LRRC61: variants seen among roughly 807,000 people sequenced by gnomAD.
The protein encoded by LRRC61 is leucine rich repeat containing 61, also known as leucine-rich repeat-containing protein 61.
LRRC61 carries 9 observed loss-of-function variants against 15.1 expected under a neutral mutation model. The ratio of observed to expected loss-of-function variants is 0.60; its 90% CI spans 0.36 to 1.04. The LOEUF (loss-of-function observed/expected upper bound fraction) is 1.04, where lower values mean the gene tolerates loss of function less well. LRRC61 is among the 50% of genes least tolerant of loss of function. The pLI, the probability that LRRC61 is intolerant of heterozygous loss-of-function variation, is 0.01. For missense variants in LRRC61, 344 were observed against 335.6 expected (o/e 1.03, Z -0.20); for synonymous variants, 173 against 158.6 (o/e 1.09, Z -0.68).
Position 150,337,935 on chromosome 7 carries a change from C to G in LRRC61, c.*294C>G, listed in dbSNP as rs572049265. On this transcript the variant is annotated 3_prime_UTR_variant, in exon 3 of 3. Transcript: ENST00000359623. The stretch of plus-strand genomic sequence containing the variant: ...AACTTAGTGGAAGGAATTACTTCCT[C>G]CTGAGGCTACAGGCGAGAAAGGTAG... The G allele has an allele frequency of 2.4e-3, 1,219 of 498,200 alleles. 11 individuals are homozygous for G. Among genetic ancestry groups the G allele is most frequent in the Non-Finnish European group, 1.6e-3 (434 of 271,606 alleles). 30.9% of individuals were successfully genotyped at this position (498,200 alleles called of 1,614,324 possible).
Position 150,336,736 on chromosome 7 carries a change from C to T in LRRC61, c.-126C>T, listed in dbSNP as rs1585050111. 3.1e-6 allele frequency: 4 copies of T among 1,311,464 alleles called. No homozygotes were observed. In the African/African-American group the frequency reaches 5.9e-5, roughly 19 times the overall value. 81.2% of individuals were successfully genotyped at this position (1,311,464 alleles called of 1,614,324 possible). On this transcript the variant is annotated 5_prime_UTR_variant, in exon 3 of 3. Coordinates refer to ENST00000359623, the MANE Select transcript of LRRC61 (RefSeq NM_001142928.2). The stretch of plus-strand genomic sequence containing the variant: ...TCCTCAGGGACTGGCTGGCTTCGAG[C>T]AGGGCATCGGAACCAGGCCTCCTGG...
upstream of LRRC61, among the ~76,000 whole-genome samples, chr7:150,320,117 G>A (rs1254386470): frequency 1.3e-5 from 2 of 152,130 alleles, no homozygotes; most frequent in Non-Finnish European, 2.9e-5. Context: ...CCATGTAACA[G>A]TACTCTTACC....
At chr7:150,323,670 A>T (rs1797811656) in intron 1 of LRRC61, 110 bp downstream of exon 1, 2 of 456,076 alleles carry the variant, frequency 4.4e-6, no homozygotes. Flanking sequence ...GCCGAAACAC[A>T]CTGGGAGAGG....
the LRRC61 span, among the ~76,000 whole-genome samples, chr7:150,316,480 GTTATT>G: frequency 8.0e-4 from 106 of 131,710 alleles, no homozygotes; most frequent in South Asian, 2.1e-3. Flanking sequence ...TTAGAATCTG[GTTATT>G]TTTTTTTTTT....
chr7:150,334,979 G>A (rs540165520), intron 2 of LRRC61, among the ~76,000 whole-genome samples: 105 of 149,064 alleles, frequency 7.0e-4, no homozygotes, highest in Non-Finnish European at 1.2e-3. Context: ...CCGAGATCGC[G>A]CCATTGTGCC....
intron 1 of LRRC61, among the ~76,000 whole-genome samples, chr7:150,324,006 T>C (rs1797833689): frequency 1.3e-5 from 2 of 152,246 alleles, no homozygotes; most frequent in Non-Finnish European, 2.9e-5. Context: ...TAATGATGCA[T>C]GATTATTATT....
chr7:150,327,853 TA>T (rs1207395425), intron 2 of LRRC61, among the ~76,000 whole-genome samples: 3 of 151,260 alleles, frequency 2.0e-5, no homozygotes, highest in African/African-American at 7.3e-5. Flanking sequence ...TGCACTTGCG[TA>T]AAAGTTCCTA....
At position 150,333,215 on chromosome 7, in the gene LRRC61, G is replaced by A. The variant is rs1454064455; in HGVS notation, c.-144-3503G>A. On this transcript the variant is annotated intron_variant, in intron 2 of 2. Coordinates refer to ENST00000359623, the MANE Select transcript of LRRC61 (RefSeq NM_001142928.2). The surrounding 1 kb of genome is among the most constrained non-coding windows in gnomAD (Gnocchi z 4.3). ...AGGATGAAAGGAAGAGGGTGAGAGA[G>A]CTTGATGGCACCGAACCAGGGGGCT... is the stretch of plus-strand genomic sequence containing the variant. Among the ~76,000 whole-genome samples, 2 of 152,202 alleles carry A rather than the reference G, an allele frequency of 1.3e-5. No individual in the cohort carries two copies. Among genetic ancestry groups the A allele is most frequent in the African/African-American group, 2.4e-5 (1 of 41,452 alleles).
chr7:150,321,940 C>G (rs71537956), upstream of LRRC61, among the ~76,000 whole-genome samples: 27 of 152,262 alleles, frequency 1.8e-4, no homozygotes, highest in African/African-American at 5.3e-4. Context: ...AGCCTGCCCC[C>G]GGGCCAGCCC....
chr7:150,335,064 C>T lies in LRRC61; in HGVS notation c.-144-1654C>T, dbSNP rs1162920337. Among the ~76,000 whole-genome samples the T allele has an allele frequency of 1.3e-5, 2 of 151,856 alleles. No individual in the cohort carries two copies. The highest frequency in any genetic ancestry group is 2.9e-5 in the Non-Finnish European group (2 of 67,964). ...AAAAAAAAAAGAAAAAAAGGAGCCCCTGGCATACAGTCACCCAGCAAGATT... is the reference window on the plus strand; with the variant it reads ...AAAAAAAAAAGAAAAAAAGGAGCCCTTGGCATACAGTCACCCAGCAAGATT... On this transcript the variant is annotated intron_variant, in intron 2 of 2. Transcript: ENST00000359623. This position sits in a 1 kb window ranked among gnomAD's most constrained non-coding sequence, Gnocchi z 4.3.
chr7:150,330,121 TG>T lies in LRRC61; in HGVS notation c.-145+4114del. On this transcript the variant is annotated intron_variant, in intron 2 of 2. Transcript: ENST00000359623. This position sits in a 1 kb window ranked among gnomAD's most constrained non-coding sequence, Gnocchi z 4.6. Reference sequence around the variant, plus strand: ...CACCCTCACAGTGTCCAGATCATCCTGGGCACTGCCAGGGCCACCTGCAGCC... The same window carrying T: ...CACCCTCACAGTGTCCAGATCATCCTGGCACTGCCAGGGCCACCTGCAGCC... 1 of 507,254 alleles carries T rather than the reference TG, an allele frequency of 2.0e-6. No homozygotes were observed. Among genetic ancestry groups the T allele is most frequent in the Non-Finnish European group, 3.5e-6 (1 of 283,936 alleles). 31.4% of individuals were successfully genotyped at this position (507,254 alleles called of 1,614,324 possible). A position where few individuals can be genotyped will look rare whatever the true frequency, so the allele number is the denominator to read the frequency against.
Position 150,330,565 on chromosome 7 carries a change from G to A in LRRC61, c.-145+4555G>A, listed in dbSNP as rs371078860. 9.0e-6 allele frequency: 7 copies of A among 782,008 alleles called. No homozygotes were observed. Among genetic ancestry groups the A allele is most frequent in the Non-Finnish European group, 1.7e-5 (7 of 420,538 alleles). The allele number at this position is 782,008 out of a possible 1,614,324, so 48.4% of individuals were successfully genotyped here. A position where few individuals can be genotyped will look rare whatever the true frequency, so the allele number is the denominator to read the frequency against. ...ATCCAGCTGGCTGAGGGGTTGGCCC[G>A]GCAGCTCTGCACCGACTGTCAGCTC... On this transcript the variant is annotated intron_variant, in intron 2 of 2. Coordinates refer to ENST00000359623, the MANE Select transcript of LRRC61 (RefSeq NM_001142928.2). The surrounding 1 kb of genome is among the most constrained non-coding windows in gnomAD (Gnocchi z 4.6).
upstream of LRRC61, among the ~76,000 whole-genome samples, chr7:150,320,240 A>G (rs1166564775): frequency 6.6e-6 from 1 of 152,260 alleles, no homozygotes; most frequent in African/African-American, 2.4e-5. Flanking sequence ...TTAGAAACTA[A>G]TCTATTAGAG....
At chr7:150,314,375 C>T in the LRRC61 span, among the ~76,000 whole-genome samples, 1 of 152,090 alleles carries the variant, frequency 6.6e-6, no homozygotes, top group Non-Finnish European at 1.5e-5. Flanking sequence ...AGAGTTAGGT[C>T]TATTGTTTGC....
At chr7:150,314,632 A>G in the LRRC61 span, among the ~76,000 whole-genome samples, 2 of 152,070 alleles carry the variant, frequency 1.3e-5, no homozygotes, top group Admixed American at 1.3e-4. Flanking sequence ...GATGTTTAAA[A>G]TATTTTATTA....
Position 150,337,451 on chromosome 7 carries a change from A to G in LRRC61, c.590A>G (p.Gln197Arg). 5 of 1,604,308 alleles carry G rather than the reference A, an allele frequency of 3.1e-6. No homozygotes were observed. Among genetic ancestry groups the G allele is most frequent in the Non-Finnish European group, 4.2e-6 (5 of 1,179,828 alleles). Residue 197 changes from glutamine (Q) to arginine (R), a missense_variant, in exon 3 of 3, where the codon CAG becomes CGG. By Grantham distance (43) the Gln-to-Arg change is conservative (BLOSUM62 1). Coordinates refer to ENST00000359623, the MANE Select transcript of LRRC61 (RefSeq NM_001142928.2). ...SSPGPRATEA[Q>R]PWVEPGYWES... is the part of the protein sequence containing the mutation. ...CCAGGCCCCAGAGCCACCGAGGCCC[A>G]GCCCTGGGTGGAGCCAGGCTACTGG...
the LRRC61 span, among the ~76,000 whole-genome samples, chr7:150,317,955 AG>A: frequency 6.6e-6 from 1 of 151,970 alleles, no homozygotes; most frequent in African/African-American, 2.4e-5. Context: ...GTCTCACAAG[AG>A]GGTGTTAAAA....
upstream of LRRC61, among the ~76,000 whole-genome samples, chr7:150,321,025 C>A (rs956259463): frequency 2.6e-5 from 4 of 152,178 alleles, no homozygotes; most frequent in African/African-American, 9.7e-5. Flanking sequence ...TAGGCCCTGA[C>A]CCTGGGCTGG....
chr7:150,330,908 C>A lies in LRRC61; in HGVS notation c.-145+4898C>A. 6.2e-7 allele frequency: 1 copy of A among 1,612,798 alleles called. No individual in the cohort carries two copies. The highest frequency in any genetic ancestry group is 8.5e-7 in the Non-Finnish European group (1 of 1,179,666). On this transcript the variant is annotated intron_variant, in intron 2 of 2. Coordinates refer to ENST00000359623, the MANE Select transcript of LRRC61 (RefSeq NM_001142928.2). This position sits in a 1 kb window ranked among gnomAD's most constrained non-coding sequence, Gnocchi z 4.6. ...TCCTGCTGGCCCAGAGGGAGAAGGG[C>A]TTGCTGGAGAGCATGGGGCTGCTGG...
Sources: allele counts gnomAD v4.1 joint callset (sites outside exome capture counted in the v4.1 genomes callset), GRCh38; gene constraint gnomAD v4.1.1; non-coding constraint Gnocchi (gnomAD v3.1); transcripts MANE v1.5; gene names NCBI Gene and HGNC (gene_info 2026-07-23, HGNC 2026-07-21).